PTK7: variants seen among roughly 807,000 people sequenced by gnomAD.
PTK7 encodes the protein inactive tyrosine-protein kinase 7.
Under a neutral mutation model 116.6 loss-of-function variants are expected in PTK7, and 39 were observed. The ratio of observed to expected loss-of-function variants is 0.33; its 90% CI spans 0.26 to 0.44. The LOEUF (loss-of-function observed/expected upper bound fraction) is 0.44, where lower values mean the gene tolerates loss of function less well. Ranked by LOEUF, PTK7 falls within the 20% of genes least tolerant of loss-of-function variation. The pLI is 1.00. For synonymous variants in PTK7, 546 were observed against 563.6 expected (o/e 0.97, Z 0.44); for missense variants, 1,169 against 1,425.6 (o/e 0.82, Z 2.90).
rs942379394 is a variant in PTK7, at chr6:43,076,377, G to GGCTGCT, written c.-106_-101dup. ...CGCCTCGGGGTCGGGCTCCGGCTGC[G>GGCTGCT]GCTGCTGCTGCGGCGCCCGCGCTCC... On this transcript the variant is annotated 5_prime_UTR_variant, in exon 1 of 20. Transcript: ENST00000230419. This position sits in a 1 kb window ranked among gnomAD's most constrained non-coding sequence, Gnocchi z 5.7. The GGCTGCT allele has an allele frequency of 4.1e-5, 32 of 772,612 alleles. No homozygotes were observed. In the East Asian group the frequency reaches 1.1e-3, roughly 27 times the overall value. 47.9% of individuals were successfully genotyped at this position (772,612 alleles called of 1,614,324 possible). A position where few individuals can be genotyped will look rare whatever the true frequency, so the allele number is the denominator to read the frequency against.
intron 13 of PTK7, chr6:43,142,956 C>G (rs975349949): frequency 9.9e-5 from 17 of 172,340 alleles, no homozygotes; most frequent in African/African-American, 3.6e-4. Context: ...CTTGAGGCCC[C>G]TCAGTGTGGG....
At chr6:43,123,657 A>G (rs1232474367) in intron 1 of PTK7, among the ~76,000 whole-genome samples, 2 of 152,164 alleles carry the variant, frequency 1.3e-5, no homozygotes, top group Non-Finnish European at 2.9e-5. Flanking sequence ...GTGTCTGCAT[A>G]TAGATGGCTG....
chr6:43,131,690 T>G, intron 5 of PTK7: 1 of 365,536 alleles, frequency 2.7e-6, no homozygotes, highest in Non-Finnish European at 5.2e-6. Flanking sequence ...CCACAACATG[T>G]GGGAATTATG....
Position 43,143,461 on chromosome 6 carries a change from C to T in PTK7, c.2092C>T (p.Pro698Ser). The change falls in exon 14 of 20, where the codon CCC becomes TCC. Residue 698 changes from proline (P) to serine (S), a missense_variant. Around this residue, in one of 3 missense-constraint regions of PTK7, gnomAD observed 678 missense variants for 853.8 expected, o/e 0.79. Coordinates refer to ENST00000230419, the MANE Select transcript of PTK7 (RefSeq NM_002821.5). This position sits in a 1 kb window ranked among gnomAD's most constrained non-coding sequence, Gnocchi z 4.2. The stretch of plus-strand genomic sequence containing the variant: ...GTCGGAGGGCCCTGGCAGCCCTCCC[C>T]CCTACAAGATGATCCAGACCATTGG... ...EESEGPGSPPPYKMIQTIGLS... is the reference protein window; with the variant it reads ...EESEGPGSPPSYKMIQTIGLS... 1 of 1,614,072 alleles carries T rather than the reference C, an allele frequency of 6.2e-7. No individual in the cohort carries two copies. The highest frequency in any genetic ancestry group is 8.5e-7 in the Non-Finnish European group (1 of 1,180,026).
intron 1 of PTK7, among the ~76,000 whole-genome samples, chr6:43,088,163 A>G (rs1181625879): frequency 1.3e-5 from 2 of 152,134 alleles, no homozygotes; most frequent in Non-Finnish European, 2.9e-5. Flanking sequence ...AAAATTAGAC[A>G]GCAGCGGTGG....
At chr6:43,160,484 C>G (rs915501115) in intron 19 of PTK7, among the ~76,000 whole-genome samples, 1 of 152,184 alleles carries the variant, frequency 6.6e-6, no homozygotes, top group African/African-American at 2.4e-5. Context: ...ACTCCAGCCA[C>G]TCTGACGCCT....
chr6:43,087,703 T>C (rs948672975), intron 1 of PTK7, among the ~76,000 whole-genome samples: 1 of 152,150 alleles, frequency 6.6e-6, no homozygotes, highest in African/African-American at 2.4e-5. Flanking sequence ...CAGAAGACCT[T>C]GGAGGGCCCT....
rs768197252 is a variant in PTK7 at position 43,145,371 on chromosome 6, G to A, written c.2579G>A (p.Arg860Gln). 1.9e-5 allele frequency: 30 copies of A among 1,612,868 alleles called. No individual in the cohort carries two copies. Among genetic ancestry groups the A allele is most frequent in the East Asian group, 8.9e-5 (4 of 44,888 alleles). ...FGKLNHANVV[R>Q]LLGLCREAEP... ...AAGCTGAACCACGCCAACGTGGTGC[G>A]GCTCCTGGGGCTGTGCCGGGAGGCT... Residue 860 changes from arginine to glutamine, a missense_variant, in exon 16 of 20, where the codon CGG becomes CAG. Arg to Gln is a conservative substitution (Grantham distance 43). Coordinates refer to ENST00000230419, the MANE Select transcript of PTK7 (RefSeq NM_002821.5). The surrounding 1 kb of genome is among the most constrained non-coding windows in gnomAD (Gnocchi z 4.8).
intron 1 of PTK7, among the ~76,000 whole-genome samples, chr6:43,079,961 T>C (rs906574895): frequency 1.4e-5 from 2 of 145,576 alleles, no homozygotes; most frequent in Non-Finnish European, 3.0e-5. Context: ...CCCAGGAGAC[T>C]GAGGTGGGAG....
At chr6:43,122,158 G>A (rs141867457) in intron 1 of PTK7, among the ~76,000 whole-genome samples, 2 of 152,250 alleles carry the variant, frequency 1.3e-5, no homozygotes, top group African/African-American at 2.4e-5. Flanking sequence ...GAAAAAAAAT[G>A]TCTCTGGGCC....
At chr6:43,087,725 A>G (rs1402077238) in intron 1 of PTK7, among the ~76,000 whole-genome samples, 1 of 152,114 alleles carries the variant, frequency 6.6e-6, no homozygotes, top group Non-Finnish European at 1.5e-5. Flanking sequence ...GCTGAGGCTC[A>G]CTCAGTGTGG....
At chr6:43,109,328 A>T (rs1017147175) in intron 1 of PTK7, among the ~76,000 whole-genome samples, 1 of 152,178 alleles carries the variant, frequency 6.6e-6, no homozygotes, top group Non-Finnish European at 1.5e-5. Context: ...GGAGCATGGC[A>T]TCATACCCAG....
intron 7 of PTK7, among the ~76,000 whole-genome samples, chr6:43,136,173 A>T (rs1770026736): frequency 6.7e-6 from 1 of 148,568 alleles, no homozygotes; most frequent in Admixed American, 6.6e-5. Context: ...AATAAAAAAT[A>T]CAAAAAAAAA....
At position 43,116,601 on chromosome 6, in the gene PTK7, GGTTTGTGTGT is replaced by G. The variant is rs1768534768; in HGVS notation, c.80-12373_80-12364del. ...AGGAGGAAGAAGGCCAGGAAAAGCT[GGTTTGTGTGT>G]GTGTGTGTGTGTGTGTGTGTGTGTG... is the stretch of plus-strand genomic sequence containing the variant. On this transcript the variant is annotated intron_variant, in intron 1 of 19. Transcript: ENST00000230419. Among the ~76,000 whole-genome samples the G allele has an allele frequency of 2.3e-5, 3 of 128,086 alleles. No individual in the cohort carries two copies. The South Asian group carries it at 7.6e-4, about 33-fold the overall frequency. The allele number at this position is 128,086 out of a possible 152,430, so 84.0% of individuals were successfully genotyped here. A position where few individuals can be genotyped will look rare whatever the true frequency, so the allele number is the denominator to read the frequency against.
intron 7 of PTK7, among the ~76,000 whole-genome samples, chr6:43,135,883 C>T (rs1770006088): frequency 6.6e-6 from 1 of 152,102 alleles, no homozygotes; most frequent in East Asian, 1.9e-4. Context: ...GGTGAAACCC[C>T]ATCTCTACTA....
intron 1 of PTK7, among the ~76,000 whole-genome samples, chr6:43,107,744 C>T (rs56148848): frequency 0.012 from 1,806 of 152,224 alleles, 43 homozygotes; most frequent in African/African-American, 0.041. Flanking sequence ...GGGCTTTGAC[C>T]CCTGCTGGTT....
chr6:43,128,456 C>A, intron 1 of PTK7, among the ~76,000 whole-genome samples: 1 of 152,226 alleles, frequency 6.6e-6, no homozygotes, highest in East Asian at 1.9e-4. Flanking sequence ...GCTACTGTGT[C>A]TTTGTATCCT....
chr6:43,093,823 C>T (rs774720083), intron 1 of PTK7, among the ~76,000 whole-genome samples: 12 of 152,114 alleles, frequency 7.9e-5, no homozygotes, highest in African/African-American at 1.9e-4. Flanking sequence ...AAGTACACTC[C>T]ACAGTGTGGG....
At chr6:43,078,179 G>A (rs539084514) in intron 1 of PTK7, among the ~76,000 whole-genome samples, 50 of 152,236 alleles carry the variant, frequency 3.3e-4, no homozygotes, top group African/African-American at 1.2e-3. Context: ...AACAAATGCT[G>A]AATTCCTAAA....
Sources: gnomAD v4.1 joint callset for allele counts (sites outside exome capture counted in the v4.1 genomes callset) on GRCh38, gnomAD v4.1.1 for gene constraint, gnomAD v4.1.1 regional missense constraint, Gnocchi (gnomAD v3.1) non-coding constraint, MANE v1.5 for transcripts, NCBI Gene and HGNC (gene_info 2026-07-23, HGNC 2026-07-21) for gene names.